Variants in EPHB2 observed in about 807,000 individuals in gnomAD.
The protein encoded by EPHB2 is ephrin type-B receptor 2.
In EPHB2, 18 loss-of-function variants were observed where a neutral mutation model predicts 96.4. The observed-to-expected ratio is 0.19, with a 90% CI of 0.13 to 0.28. EPHB2 has a LOEUF of 0.28. Ranked by LOEUF, EPHB2 falls within the 10% of genes least tolerant of loss-of-function variation. EPHB2 has a pLI of 1.00. For synonymous variants in EPHB2, 506 were observed against 534.1 expected (o/e 0.95, Z 0.72); for missense variants, 989 against 1,355.4 (o/e 0.73, Z 4.25).
chr1:22,881,869 AGATGTGAGCCGCT>A (rs1322851494), intron 5 of EPHB2, among the ~76,000 whole-genome samples: 2 of 152,158 alleles, frequency 1.3e-5, no homozygotes, highest in Non-Finnish European at 2.9e-5. Context: ...CTGGGATTAC[AGATGTGAGCCGCT>A]GCACCCAGCC....
intron 3 of EPHB2, among the ~76,000 whole-genome samples, chr1:22,800,757 G>A (rs1644830940): frequency 7.0e-6 from 1 of 142,352 alleles, no homozygotes; most frequent in Non-Finnish European, 1.5e-5. Context: ...TGTGGAGTGT[G>A]TGCGTGTGTA....
intron 5 of EPHB2, among the ~76,000 whole-genome samples, chr1:22,881,257 G>T (rs1639034360): frequency 1.3e-5 from 2 of 152,128 alleles, no homozygotes; most frequent in African/African-American, 2.4e-5. Context: ...AATTAACCAG[G>T]TGTGGTGGTG....
chr1:22,915,662 T>C lies in EPHB2; in HGVS notation c.*2092T>C, dbSNP rs1197640435. 1 of 152,218 alleles carries C rather than the reference T, an allele frequency of 6.6e-6. No individual in the cohort carries two copies. The highest frequency in any genetic ancestry group is 1.9e-4 in the East Asian group (1 of 5,190). 9.4% of individuals were successfully genotyped at this position (152,218 alleles called of 1,614,324 possible). ...GGTCTGAGTGTCAGGTGAGCTGTCA[T>C]AGTGGGAACGTGAGGGTCTTAGAGT... On this transcript the variant is annotated 3_prime_UTR_variant, in exon 16 of 16. Coordinates refer to ENST00000374630, the MANE Select transcript of EPHB2 (RefSeq NM_017449.5).
At chr1:22,876,179 C>T (rs1638830345) in intron 5 of EPHB2, among the ~76,000 whole-genome samples, 2 of 152,116 alleles carry the variant, frequency 1.3e-5, no homozygotes, top group African/African-American at 4.8e-5. Flanking sequence ...CTCCAGCTGT[C>T]CTGTGCCCAG....
chr1:22,763,871 G>T (rs1325532776), intron 1 of EPHB2, among the ~76,000 whole-genome samples: 1 of 152,130 alleles, frequency 6.6e-6, no homozygotes, highest in Non-Finnish European at 1.5e-5. Flanking sequence ...GACTTCTAGA[G>T]GCTACCTGCA....
intron 3 of EPHB2, among the ~76,000 whole-genome samples, chr1:22,794,439 C>A (rs1272861623): frequency 6.6e-6 from 1 of 152,120 alleles, no homozygotes; most frequent in East Asian, 1.9e-4. Context: ...CCAGTCTGTC[C>A]CACACCGCAC....
intron 9 of EPHB2, among the ~76,000 whole-genome samples, chr1:22,903,004 G>A (rs1221163528): frequency 6.6e-6 from 1 of 152,224 alleles, no homozygotes; most frequent in African/African-American, 2.4e-5. Context: ...AATGAAGTGT[G>A]TCTGAAACCC....
chr1:22,812,718 T>C (rs1645020718), intron 3 of EPHB2, among the ~76,000 whole-genome samples: 1 of 152,104 alleles, frequency 6.6e-6, no homozygotes, highest in South Asian at 2.1e-4. Context: ...GCTATAGGGA[T>C]GAAAGAAGTT....
intron 3 of EPHB2, among the ~76,000 whole-genome samples, chr1:22,828,527 C>T (rs1053994162): frequency 6.6e-6 from 1 of 152,046 alleles, no homozygotes; most frequent in Non-Finnish European, 1.5e-5. Context: ...GGAGACCTTT[C>T]GGAGAGAACT....
intron 5 of EPHB2, among the ~76,000 whole-genome samples, chr1:22,865,799 A>C (rs2148528703): frequency 6.6e-6 from 1 of 152,290 alleles, no homozygotes; most frequent in South Asian, 2.1e-4. Context: ...CATCTCTTGC[A>C]GCCTAACTTG....
chr1:22,809,078 A>G (rs1327201422), intron 3 of EPHB2, among the ~76,000 whole-genome samples: 1 of 152,152 alleles, frequency 6.6e-6, no homozygotes, highest in Non-Finnish European at 1.5e-5. Context: ...CTCTGGGCCC[A>G]TTTCCTCGGG....
At chr1:22,840,563 C>T (rs11802208) in intron 3 of EPHB2, among the ~76,000 whole-genome samples, 77,228 of 151,992 alleles carry the variant, frequency 0.51, 19,727 homozygotes, top group Middle Eastern at 0.59. Context: ...TGGGCGCAAG[C>T]GATTCTCGTG....
intron 1 of EPHB2, among the ~76,000 whole-genome samples, chr1:22,731,943 C>T (rs1485823225): frequency 6.6e-6 from 1 of 152,224 alleles, no homozygotes; most frequent in African/African-American, 2.4e-5. Context: ...AGTCTTCATC[C>T]CACCCAAGAG....
chr1:22,852,272 C>T (rs1041036822), intron 3 of EPHB2, among the ~76,000 whole-genome samples: 9 of 152,170 alleles, frequency 5.9e-5, no homozygotes, highest in African/African-American at 1.7e-4. Context: ...AGTTCCAGCT[C>T]GGACCCCAGG....
intron 1 of EPHB2, among the ~76,000 whole-genome samples, chr1:22,773,012 G>A (rs1326731764): frequency 2.0e-5 from 3 of 152,150 alleles, no homozygotes; most frequent in Non-Finnish European, 4.4e-5. Context: ...AGTTTGCTCT[G>A]GGATGTAAAT....
At chr1:22,862,694 G>A (rs925843750) in intron 3 of EPHB2, among the ~76,000 whole-genome samples, 2 of 152,118 alleles carry the variant, frequency 1.3e-5, no homozygotes, top group African/African-American at 2.4e-5. Flanking sequence ...TATTAAGCAA[G>A]ACCAGGACCC....
chr1:22,723,369 G>T (rs1438994508), intron 1 of EPHB2, among the ~76,000 whole-genome samples: 1 of 152,240 alleles, frequency 6.6e-6, no homozygotes, highest in Non-Finnish European at 1.5e-5. Flanking sequence ...ACATCCTCTT[G>T]CCTGTCTCCG....
chr1:22,746,124 G>A (rs142620565), intron 1 of EPHB2, among the ~76,000 whole-genome samples: 30 of 152,282 alleles, frequency 2.0e-4, no homozygotes, highest in East Asian at 7.7e-4. Flanking sequence ...GAGTGCAGCC[G>A]TGGAAAGATC....
At chr1:22,898,421 G>A (rs1485907916) in intron 9 of EPHB2, among the ~76,000 whole-genome samples, 1 of 152,180 alleles carries the variant, frequency 6.6e-6, no homozygotes, top group East Asian at 1.9e-4. Context: ...CAATACAAAG[G>A]TCTTGAGGCT....
Sources: gnomAD v4.1 joint callset for allele counts (sites outside exome capture counted in the v4.1 genomes callset) on GRCh38, gnomAD v4.1.1 for gene constraint, MANE v1.5 for transcripts, NCBI Gene and HGNC (gene_info 2026-07-23, HGNC 2026-07-21) for gene names.